The following VSTM2L variants were observed in gnomAD, a reference collection of about 807,000 sequenced individuals.
VSTM2L encodes V-set and transmembrane domain containing 2 like.
In VSTM2L, 9 loss-of-function variants were observed where a neutral mutation model predicts 19.9. The observed-to-expected ratio is 0.45, with a 90% CI of 0.27 to 0.79. The LOEUF is 0.79. Among genes scored for constraint, VSTM2L ranks in the 30% least tolerant of loss-of-function variants. VSTM2L has a pLI of 0.15. For synonymous variants in VSTM2L, 127 were observed against 133.8 expected, an observed-to-expected ratio of 0.95 and a Z score of 0.35; for missense variants, 286 against 295.5, an observed-to-expected ratio of 0.97 and a Z score of 0.24.
intron 1 of VSTM2L, among the ~76,000 whole-genome samples, chr20:37,923,424 A>C (rs1313741909): frequency 6.6e-6 from 1 of 152,226 alleles, no homozygotes; most frequent in East Asian, 1.9e-4. Flanking sequence ...ACCCCCAATT[A>C]AAAGCAGAAA....
chr20:37,927,493 G>A (rs566118174), intron 1 of VSTM2L, among the ~76,000 whole-genome samples: 22 of 152,314 alleles, frequency 1.4e-4, no homozygotes, highest in African/African-American at 5.1e-4. Flanking sequence ...AGAAGTGGCC[G>A]TGTGGCGGGG....
chr20:37,931,252 G>A (rs1189079156), intron 1 of VSTM2L, among the ~76,000 whole-genome samples: 1 of 152,184 alleles, frequency 6.6e-6, no homozygotes, highest in Non-Finnish European at 1.5e-5. Context: ...ACTGAGCTGG[G>A]TTACTGGAAG....
At chr20:37,935,713 C>T (rs1024698415) in intron 3 of VSTM2L, among the ~76,000 whole-genome samples, 4 of 152,078 alleles carry the variant, frequency 2.6e-5, no homozygotes, top group Non-Finnish European at 4.4e-5. Context: ...ATGACTGTCT[C>T]CCCTAGAGAT....
At chr20:37,926,550 G>GA (rs937946658) in intron 1 of VSTM2L, among the ~76,000 whole-genome samples, 16 of 152,256 alleles carry the variant, frequency 1.1e-4, no homozygotes, top group Admixed American at 8.5e-4. Context: ...AAAAAAGAAA[G>GA]AAAAAAGAGA....
intron 1 of VSTM2L, among the ~76,000 whole-genome samples, chr20:37,903,715 C>T (rs546970925): frequency 2.6e-5 from 4 of 152,308 alleles, no homozygotes; most frequent in Admixed American, 6.5e-5. Flanking sequence ...ATGGCCACAC[C>T]GATATGCACA....
chr20:37,920,639 G>A (rs1339154530), intron 1 of VSTM2L, among the ~76,000 whole-genome samples: 3 of 152,198 alleles, frequency 2.0e-5, no homozygotes, highest in Non-Finnish European at 2.9e-5. Context: ...GAGGGACAGT[G>A]GGGAGGAGGC....
intron 1 of VSTM2L, among the ~76,000 whole-genome samples, chr20:37,904,157 C>T (rs547034800): frequency 6.6e-6 from 1 of 152,314 alleles, no homozygotes; most frequent in South Asian, 2.1e-4. Context: ...GGGGCTGCAG[C>T]CTCCCAGTTG....
chr20:37,903,465 G>T lies in VSTM2L; in HGVS notation c.115G>T (p.Gly39Cys). The change falls in exon 1 of 4, where the codon GGC (glycine) becomes TGC (cysteine). Residue 39 changes from glycine to cysteine, a missense_variant. Transcript: ENST00000373461. Reference sequence around the variant, plus strand: ...CGCGCCCTGGGACAACCACGTCTCCGGCCACGGTGAGTTCGGTCGCCGCCC... The same window carrying T: ...CGCGCCCTGGGACAACCACGTCTCCTGCCACGGTGAGTTCGGTCGCCGCCC... ...GHAPWDNHVSGHALFTETPHD... is the reference protein window; with the variant it reads ...GHAPWDNHVSCHALFTETPHD... 6.8e-7 allele frequency: 1 copy of T among 1,477,260 alleles called. No homozygotes were observed. Among genetic ancestry groups the T allele is most frequent in the Admixed American group, 2.4e-5 (1 of 42,400 alleles). The allele number at this position is 1,477,260 out of a possible 1,614,324, so 91.5% of individuals were successfully genotyped here. A position where few individuals can be genotyped will look rare whatever the true frequency, so the allele number is the denominator to read the frequency against.
chr20:37,905,956 T>G (rs2072749838), intron 1 of VSTM2L, among the ~76,000 whole-genome samples: 1 of 151,742 alleles, frequency 6.6e-6, no homozygotes, highest in Non-Finnish European at 1.5e-5. Context: ...GTTTAGCAGA[T>G]TGGGGCCTGA....
Position 37,943,919 on chromosome 20 carries a change from C to G in VSTM2L, c.343-62C>G, listed in dbSNP as rs1035773636. ...CATGCGATCTTGGGACCCCCCCCCC[C>G]GACTCTTCTTCTCCCCCACTGTCAC... is the stretch of plus-strand genomic sequence containing the variant. On this transcript the variant is annotated intron_variant, in intron 3 of 3. Transcript: ENST00000373461. 17 of 527,430 alleles carry G rather than the reference C, an allele frequency of 3.2e-5. No homozygotes were observed. The South Asian group carries it at 7.6e-4, about 24-fold the overall frequency. The allele number at this position is 527,430 out of a possible 1,614,324, so 32.7% of individuals were successfully genotyped here. A position where few individuals can be genotyped will look rare whatever the true frequency, so the allele number is the denominator to read the frequency against.
At chr20:37,925,462 T>C (rs1174728336) in intron 1 of VSTM2L, among the ~76,000 whole-genome samples, 3 of 152,276 alleles carry the variant, frequency 2.0e-5, no homozygotes, top group African/African-American at 7.2e-5. Context: ...TCCTCCATCC[T>C]TGGCTCCCAG....
chr20:37,914,630 T>C (rs1291013392), intron 1 of VSTM2L, among the ~76,000 whole-genome samples: 1 of 152,000 alleles, frequency 6.6e-6, no homozygotes, highest in African/African-American at 2.4e-5. Context: ...TCCCGGCTCC[T>C]GGCTCCCCTG....
chr20:37,914,386 G>GCGTA (rs2072801066), intron 1 of VSTM2L, among the ~76,000 whole-genome samples: 1 of 568 alleles, frequency 1.8e-3, no homozygotes, highest in African/African-American at 4.6e-3. Flanking sequence ...GGGTGTATGT[G>GCGTA]TGGGTGTGTG....
intron 1 of VSTM2L, among the ~76,000 whole-genome samples, chr20:37,906,148 G>T (rs1405884959): frequency 6.6e-6 from 1 of 152,090 alleles, no homozygotes; most frequent in Non-Finnish European, 1.5e-5. Flanking sequence ...TCTGAGCCCA[G>T]CCCGGCCGCC....
intron 3 of VSTM2L, among the ~76,000 whole-genome samples, chr20:37,943,166 C>T (rs973730513): frequency 6.6e-6 from 1 of 152,088 alleles, no homozygotes; most frequent in African/African-American, 2.4e-5. Context: ...GATGGGGTTT[C>T]CCCATGTTGC....
At chr20:37,933,194 A>C (rs2072920354) in intron 2 of VSTM2L, among the ~76,000 whole-genome samples, 1 of 152,252 alleles carries the variant, frequency 6.6e-6, no homozygotes, top group Non-Finnish European at 1.5e-5. Context: ...ACTCAAGGGT[A>C]CAAACATGCT....
rs1480058182 is a variant in VSTM2L, at chr20:37,944,598, C to T, written c.*345C>T. The T allele has an allele frequency of 9.2e-7, 1 of 1,081,806 alleles. No individual in the cohort carries two copies. Among genetic ancestry groups the T allele is most frequent in the Admixed American group, 5.2e-5 (1 of 19,314 alleles). The allele number at this position is 1,081,806 out of a possible 1,614,324, so 67.0% of individuals were successfully genotyped here. A position where few individuals can be genotyped will look rare whatever the true frequency, so the allele number is the denominator to read the frequency against. Reference sequence around the variant, plus strand: ...CCAGTGTTTTGCTTTGCTTGCTTGTCCCCCATCCTGTCCTGAGCCGGGGCC... The same window carrying T: ...CCAGTGTTTTGCTTTGCTTGCTTGTTCCCCATCCTGTCCTGAGCCGGGGCC... On this transcript the variant is annotated 3_prime_UTR_variant, in exon 4 of 4. Coordinates refer to ENST00000373461, the MANE Select transcript of VSTM2L (RefSeq NM_080607.3).
intron 3 of VSTM2L, among the ~76,000 whole-genome samples, chr20:37,942,917 G>A (rs766151232): frequency 2.0e-5 from 3 of 152,266 alleles, no homozygotes; most frequent in Non-Finnish European, 2.9e-5. Flanking sequence ...TATATTTGTC[G>A]TCAGCCTTTA....
chr20:37,904,435 G>A (rs184460770), intron 1 of VSTM2L, among the ~76,000 whole-genome samples: 102 of 152,390 alleles, frequency 6.7e-4, no homozygotes, highest in Non-Finnish European at 1.1e-3. Flanking sequence ...CTGGCTGAGT[G>A]TCAGAAGCTC....
Sources: allele counts gnomAD v4.1 joint callset (sites outside exome capture counted in the v4.1 genomes callset), GRCh38; gene constraint gnomAD v4.1.1; transcripts MANE v1.5; gene names NCBI Gene and HGNC (gene_info 2026-07-23, HGNC 2026-07-21).